The following GYG2 variants were observed in gnomAD, a reference collection of about 807,000 sequenced individuals.
The protein encoded by GYG2 is glycogenin-2.
GYG2 carries 29 observed loss-of-function variants against 29.4 expected under a neutral mutation model. That is an observed-to-expected ratio of 0.99 (90% CI 0.74 to 1.35). GYG2 has a LOEUF of 1.35. Ranked by LOEUF, GYG2 falls within the 40% of genes most tolerant of loss-of-function variation. The pLI is 0.00. For synonymous variants in GYG2, 167 were observed against 172.3 expected, an observed-to-expected ratio of 0.97 and a Z score of 0.24; for missense variants, 370 against 385.7, an observed-to-expected ratio of 0.96 and a Z score of 0.34.
chrX:2,852,651 C>T (rs1008211815), intron 3 of GYG2: 1 of 112,128 alleles, frequency 8.9e-6, no homozygotes, highest in Non-Finnish European at 1.9e-5. Context: ...TCAGCATTTA[C>T]ATTTCTCTGC....
Position 2,830,069 on chromosome X carries a change from A to G in GYG2, c.-120A>G. On this transcript the variant is annotated 5_prime_UTR_variant, in exon 2 of 11. Coordinates refer to ENST00000398806, the MANE Select transcript of GYG2 (RefSeq NM_001079855.2). ...CACGCTGTCGCCCCCAGGCCTGGAAATCCACGCGGATTCCCGGAGACGGCG... is the reference window on the plus strand; with the variant it reads ...CACGCTGTCGCCCCCAGGCCTGGAAGTCCACGCGGATTCCCGGAGACGGCG... The G allele has an allele frequency of 1.4e-6, 1 of 695,928 alleles. No individual in the cohort carries two copies. Among genetic ancestry groups the G allele is most frequent in the Non-Finnish European group, 2.2e-6 (1 of 449,084 alleles). 57.4% of individuals were successfully genotyped at this position (695,928 alleles called of 1,213,427 possible). A position where few individuals can be genotyped will look rare whatever the true frequency, so the allele number is the denominator to read the frequency against.
intron 8 of GYG2, among the ~76,000 whole-genome samples, chrX:2,868,495 G>A (rs1479962612): frequency 1.9e-5 from 2 of 106,344 alleles, no homozygotes; most frequent in African/African-American, 6.9e-5. Context: ...TGGAGTTCCT[G>A]TGTCCACATA....
At chrX:2,847,617 A>C (rs900743132) in intron 3 of GYG2, among the ~76,000 whole-genome samples, 7 of 107,615 alleles carry the variant, frequency 6.5e-5, no homozygotes, top group African/African-American at 2.4e-4. Context: ...AGGCAGGAGA[A>C]TCACTTGAGC....
At chrX:2,862,659 G>A (rs769044740) in intron 8 of GYG2, among the ~76,000 whole-genome samples, 5 of 111,713 alleles carry the variant, frequency 4.5e-5, no homozygotes, top group African/African-American at 1.6e-4. Context: ...TGTCCCCATC[G>A]AAGAAAAATG....
chrX:2,862,494 C>T (rs2088192868), intron 8 of GYG2, among the ~76,000 whole-genome samples: 1 of 111,083 alleles, frequency 9.0e-6, no homozygotes, highest in South Asian at 3.9e-4. Flanking sequence ...AGTGCCCCCT[C>T]AACCCAACTG....
chrX:2,851,668 T>C (rs1194745785), intron 3 of GYG2, among the ~76,000 whole-genome samples: 4 of 112,287 alleles, frequency 3.6e-5, no homozygotes, highest in Non-Finnish European at 7.5e-5. Flanking sequence ...GATGTCTGTA[T>C]GTCCTGACCT....
intron 8 of GYG2, among the ~76,000 whole-genome samples, chrX:2,871,155 C>G (rs2088459045): frequency 9.1e-6 from 1 of 109,794 alleles, no homozygotes; most frequent in Non-Finnish European, 1.9e-5. Flanking sequence ...AGTGAGGTCA[C>G]AAAAGAAAGC....
In GYG2 at chrX:2,855,124, A is replaced by G; in HGVS notation, c.456A>G (p.Leu152=). The G allele has an allele frequency of 3.3e-6, 4 of 1,211,507 alleles. No homozygotes were observed. The highest frequency in any genetic ancestry group is 4.5e-6 in the Non-Finnish European group (4 of 895,236). The change falls in exon 5 of 11, where the codon CTA becomes CTG. Residue 152 remains leucine (L), a synonymous_variant. Transcript: ENST00000398806. ...CTCTCCACACGCATAAACTCCTGCT[A>G]CAGCACGCCATGGAACACGGCAGCT... ...QPSLHTHKLL[L]QHAMEHGSFD...
At position 2,876,611 on chromosome X, in the gene GYG2, C is replaced by T. The variant is rs937480497; in HGVS notation, c.1144-589C>T. On this transcript the variant is annotated intron_variant, in intron 9 of 10. Coordinates refer to ENST00000398806, the MANE Select transcript of GYG2 (RefSeq NM_001079855.2). Reference sequence around the variant, plus strand: ...GAGAAGCTGAGCTATTTTTAGCATTCCCAGAAAAGAAGATCGAGTACAGTC... The same window carrying T: ...GAGAAGCTGAGCTATTTTTAGCATTTCCAGAAAAGAAGATCGAGTACAGTC... 2.7e-5 allele frequency among the ~76,000 whole-genome samples: 3 copies of T among 111,141 alleles called. No homozygotes were observed. The Admixed American group carries it at 2.9e-4, about 11-fold the overall frequency.
intron 3 of GYG2, among the ~76,000 whole-genome samples, chrX:2,844,906 A>G (rs1159205383): frequency 9.4e-6 from 1 of 106,706 alleles, no homozygotes; most frequent in Non-Finnish European, 1.9e-5. Context: ...ATTTATATAC[A>G]TGTATGTATA....
chrX:2,856,764 C>CTATG (rs1569064653), intron 6 of GYG2, 140 bp downstream of exon 6: 3 of 379,084 alleles, frequency 7.9e-6, no homozygotes, highest in African/African-American at 6.2e-5. Context: ...ATCTATCTAT[C>CTATG]TATCTATCTA....
intron 8 of GYG2, among the ~76,000 whole-genome samples, chrX:2,869,028 A>AG (rs1317231397): frequency 7.4e-4 from 81 of 109,129 alleles, no homozygotes; most frequent in Admixed American, 1.2e-3. Flanking sequence ...AAAAAAAAAA[A>AG]AAGAGGGATG....
At chrX:2,833,882 A>C (rs1293972869) in intron 2 of GYG2, among the ~76,000 whole-genome samples, 1 of 112,623 alleles carries the variant, frequency 8.9e-6, no homozygotes, top group Admixed American at 9.4e-5. Flanking sequence ...GCTTTGGGCC[A>C]ATTCACTTGC....
Position 2,856,781 on chromosome X carries a change from T to TATC in GYG2, c.614+158_614+160dup, listed in dbSNP as rs771799850. On this transcript the variant is annotated intron_variant, in intron 6 of 10. Transcript: ENST00000398806. ...CTATCTATCTATCTATCTATCTATC[T>TATC]ATCTATCATCTATCTATCATCTATC... Among the ~76,000 whole-genome samples, 260 of 78,787 alleles carry TATC rather than the reference T, an allele frequency of 3.3e-3. 3 individuals are homozygous for TATC. The highest frequency in any genetic ancestry group is 1.0e-2 in the African/African-American group (249 of 25,013). 68.4% of individuals were successfully genotyped at this position (78,787 alleles called of 115,157 possible).
Position 2,881,293 on chromosome X carries a change from C to G in GYG2, c.*80C>G. 1.2e-6 allele frequency: 1 copy of G among 839,982 alleles called. No homozygotes were observed. The highest frequency in any genetic ancestry group is 1.6e-6 in the Non-Finnish European group (1 of 607,142). 69.2% of individuals were successfully genotyped at this position (839,982 alleles called of 1,213,427 possible). On this transcript the variant is annotated 3_prime_UTR_variant, in exon 11 of 11. Coordinates refer to ENST00000398806, the MANE Select transcript of GYG2 (RefSeq NM_001079855.2). ...TGTTGCGTGGAGATCTCCTCTGGTCCTTTCAAAGGGAAACGCTGTTGAACC... is the reference window on the plus strand; with the variant it reads ...TGTTGCGTGGAGATCTCCTCTGGTCGTTTCAAAGGGAAACGCTGTTGAACC...
intron 6 of GYG2, among the ~76,000 whole-genome samples, chrX:2,857,602 A>G (rs1438684273): frequency 9.0e-6 from 1 of 111,050 alleles, no homozygotes; most frequent in African/African-American, 3.3e-5. Flanking sequence ...ATAGGCATCT[A>G]TCCATCTATG....
At chrX:2,867,742 C>T (rs768628997) in intron 8 of GYG2, among the ~76,000 whole-genome samples, 12 of 112,036 alleles carry the variant, frequency 1.1e-4, no homozygotes, top group Admixed American at 7.6e-4. Context: ...AGATGCTCTT[C>T]GATTTACAAT....
chrX:2,863,309 T>C, intron 8 of GYG2, among the ~76,000 whole-genome samples: 1 of 110,759 alleles, frequency 9.0e-6, no homozygotes, highest in East Asian at 2.9e-4. Context: ...CTCCTGACCT[T>C]GTGATCCGCC....
intron 10 of GYG2, chrX:2,877,707 T>C: frequency 1.3e-6 from 1 of 752,246 alleles, no homozygotes; most frequent in Non-Finnish European, 1.6e-6. Flanking sequence ...AAATAATTTC[T>C]TCTTTCAGGA....
Sources: allele counts gnomAD v4.1 joint callset (sites outside exome capture counted in the v4.1 genomes callset), GRCh38; gene constraint gnomAD v4.1.1; transcripts MANE v1.5; gene names NCBI Gene and HGNC (gene_info 2026-07-23, HGNC 2026-07-21).